GNAT3: variants seen among roughly 807,000 people sequenced by gnomAD.
The protein encoded by GNAT3 is guanine nucleotide-binding protein G(t) subunit alpha-3.
In GNAT3, 31 loss-of-function variants were observed where a neutral mutation model predicts 37.7. The observed-to-expected ratio is 0.82, with a 90% CI of 0.62 to 1.11. The LOEUF (loss-of-function observed/expected upper bound fraction) is 1.11. Ranked by LOEUF, GNAT3 falls within the 50% of genes most tolerant of loss-of-function variation. The pLI, the probability that GNAT3 is intolerant of heterozygous loss-of-function variation, is 0.00. For synonymous variants in GNAT3, 138 were observed against 139.8 expected (o/e 0.99, Z 0.09); for missense variants, 437 against 412.5 (o/e 1.06, Z -0.51).
At chr7:80,458,889 A>G (rs1223062850) in intron 7 of GNAT3, 28 bp from the exon 8 acceptor site, 2 of 1,409,780 alleles carry the variant, frequency 1.4e-6, no homozygotes, top group Non-Finnish European at 1.9e-6. Context: ...TTGAAGAAGT[A>G]AAGATTAATC....
intron 1 of GNAT3, among the ~76,000 whole-genome samples, chr7:80,503,198 G>T (rs932217165): frequency 1.3e-5 from 2 of 152,004 alleles, no homozygotes; most frequent in African/African-American, 4.8e-5. Flanking sequence ...ACATGCAAAG[G>T]TATACCTGTG....
intron 1 of GNAT3, among the ~76,000 whole-genome samples, chr7:80,496,626 T>C (rs1256277898): frequency 6.6e-6 from 1 of 152,208 alleles, no homozygotes. Flanking sequence ...CTCTATCTGC[T>C]TTGTTCACTG....
At chr7:80,466,090 G>A (rs1011870308) in intron 5 of GNAT3, among the ~76,000 whole-genome samples, 1 of 151,964 alleles carries the variant, frequency 6.6e-6, no homozygotes, top group Admixed American at 6.6e-5. Flanking sequence ...CCCACCTCAG[G>A]GGGGGAAAAT....
chr7:80,467,154 T>C (rs1289509272), intron 5 of GNAT3, among the ~76,000 whole-genome samples: 1 of 152,144 alleles, frequency 6.6e-6, no homozygotes, highest in Admixed American at 6.6e-5. Context: ...CAGCATATCA[T>C]GCAGCTTCTA....
At chr7:80,474,098 C>G (rs1790263559) in intron 5 of GNAT3, among the ~76,000 whole-genome samples, 153 bp downstream of exon 5, 1 of 152,036 alleles carries the variant, frequency 6.6e-6, no homozygotes, top group Non-Finnish European at 1.5e-5. Context: ...TATAGAAGGA[C>G]AGTAAAGGAC....
intron 7 of GNAT3, among the ~76,000 whole-genome samples, chr7:80,460,195 T>C (rs1790026571): frequency 7.9e-6 from 1 of 126,250 alleles, no homozygotes. Context: ...CTTAAATGCA[T>C]ATTGCAAATG....
intron 4 of GNAT3, among the ~76,000 whole-genome samples, chr7:80,477,927 T>A (rs553664878): frequency 6.6e-6 from 1 of 152,340 alleles, no homozygotes; most frequent in African/African-American, 2.4e-5. Flanking sequence ...GGGGTTAATT[T>A]GGTGACAGGG....
chr7:80,469,185 T>A (rs1790170036), intron 5 of GNAT3, among the ~76,000 whole-genome samples: 1 of 152,160 alleles, frequency 6.6e-6, no homozygotes, highest in South Asian at 2.1e-4. Flanking sequence ...GTTTCTTTTA[T>A]ATCATAGATC....
chr7:80,498,688 C>T (rs561160190), intron 1 of GNAT3, among the ~76,000 whole-genome samples: 5 of 152,176 alleles, frequency 3.3e-5, no homozygotes, highest in South Asian at 2.1e-4. Flanking sequence ...TGTTCACATC[C>T]GCTGATGGTG....
chr7:80,465,515 C>G (rs1790115662), intron 5 of GNAT3, among the ~76,000 whole-genome samples: 1 of 152,108 alleles, frequency 6.6e-6, no homozygotes, highest in South Asian at 2.1e-4. Flanking sequence ...TTTGTTGAGG[C>G]TGCTATGTAC....
At chr7:80,496,708 A>G (rs1471791597) in intron 1 of GNAT3, among the ~76,000 whole-genome samples, 2 of 152,226 alleles carry the variant, frequency 1.3e-5, no homozygotes, top group Non-Finnish European at 2.9e-5. Flanking sequence ...TCTTTGACTC[A>G]TACTTCAGAA....
In GNAT3 at chr7:80,462,201, C is replaced by A. The variant is rs368632002; in HGVS notation, c.832G>T (p.Val278Leu). 3.2e-5 allele frequency: 51 copies of A among 1,596,206 alleles called. No homozygotes were observed. The highest frequency in any genetic ancestry group is 4.1e-5 in the Non-Finnish European group (48 of 1,170,092). ...CAGATACTAAGATGCACCTTGGTTA[C>A]CTTTTCTTGAAAGATATCTTTTTTG... ...LNKKDIFQEKVTKVHLSICFP... is the reference protein window; with the variant it reads ...LNKKDIFQEKLTKVHLSICFP... Residue 278 changes from valine to leucine, a missense_variant, in exon 7 of 8, where the codon GTA becomes TTA. By Grantham distance (32) the Val-to-Leu change is conservative. Coordinates refer to ENST00000398291, the MANE Select transcript of GNAT3 (RefSeq NM_001102386.3).
intron 5 of GNAT3, among the ~76,000 whole-genome samples, chr7:80,470,268 C>T (rs1790188989): frequency 6.6e-6 from 1 of 152,030 alleles, no homozygotes; most frequent in African/African-American, 2.4e-5. Context: ...GTCACCCAGG[C>T]TAGAGCGCAG....
chr7:80,465,288 A>G lies in GNAT3; in HGVS notation c.591-2657T>C, dbSNP rs562755110. On this transcript the variant is annotated intron_variant, in intron 5 of 7. Transcript: ENST00000398291. ...TGTGGTGGAAATAGAAATAGTTGAG[A>G]TCATGACTTTCATGTTCCACATCAC... Among the ~76,000 whole-genome samples the G allele has an allele frequency of 2.0e-5, 3 of 152,286 alleles. No homozygotes were observed. The South Asian group carries it at 6.2e-4, about 32-fold the overall frequency.
At chr7:80,510,976 GAAGT>G (rs1263851618) in intron 1 of GNAT3, among the ~76,000 whole-genome samples, 2 of 152,082 alleles carry the variant, frequency 1.3e-5, no homozygotes, top group Non-Finnish European at 2.9e-5. Context: ...AATTGAATCA[GAAGT>G]AAGTGCTTGC....
chr7:80,467,961 G>A (rs1562720528), intron 5 of GNAT3, among the ~76,000 whole-genome samples: 2 of 151,530 alleles, frequency 1.3e-5, no homozygotes, highest in Non-Finnish European at 2.9e-5. Flanking sequence ...TTTTTAAGGA[G>A]GGATAATATG....
At chr7:80,482,112 C>T (rs539206001) in intron 3 of GNAT3, among the ~76,000 whole-genome samples, 1 of 152,170 alleles carries the variant, frequency 6.6e-6, no homozygotes. Flanking sequence ...ACATTTGGCT[C>T]AAAATAAATC....
chr7:80,483,525 A>G (rs1229896599), intron 3 of GNAT3, among the ~76,000 whole-genome samples: 1 of 152,024 alleles, frequency 6.6e-6, no homozygotes, highest in African/African-American at 2.4e-5. Context: ...AAACTCTAGT[A>G]ATTTCTCACC....
intron 1 of GNAT3, among the ~76,000 whole-genome samples, chr7:80,498,765 C>G (rs1790779362): frequency 6.6e-6 from 1 of 151,630 alleles, no homozygotes; most frequent in African/African-American, 2.4e-5. Context: ...TCAAGGGGTA[C>G]CAAGAGAATT....
Sources: allele counts gnomAD v4.1 joint callset (sites outside exome capture counted in the v4.1 genomes callset), GRCh38; gene constraint gnomAD v4.1.1; transcripts MANE v1.5; gene names NCBI Gene and HGNC (gene_info 2026-07-23, HGNC 2026-07-21).